CKAP5: variants seen among roughly 807,000 people sequenced by gnomAD.
The protein encoded by CKAP5 is cytoskeleton associated protein 5.
A neutral mutation model predicts 232.8 loss-of-function variants in CKAP5; 27 were observed. The observed-to-expected ratio is 0.12, with a 90% CI of 0.09 to 0.16. The LOEUF (loss-of-function observed/expected upper bound fraction) is 0.16. Among genes scored for constraint, CKAP5 ranks in the 10% least tolerant of loss-of-function variants. CKAP5 has a pLI of 1.00. For missense variants in CKAP5, 1,838 were observed against 2,424.7 expected (o/e 0.76, Z 5.08); for synonymous variants, 785 against 841.1 (o/e 0.93, Z 1.16).
chr11:46,770,770 A>G lies in CKAP5; in HGVS notation c.3186+18T>C. 6.2e-7 allele frequency: 1 copy of G among 1,607,494 alleles called. No individual in the cohort carries two copies. The highest frequency in any genetic ancestry group is 1.3e-5 in the African/African-American group (1 of 74,830). On this transcript the variant is annotated intron_variant, in intron 25 of 43. Coordinates refer to ENST00000529230, the MANE Select transcript of CKAP5 (RefSeq NM_001008938.4). ...TTTAATAGCTTTTAACAGCAGTAGCAGCAACAAGAAGTAGTACCTTTAGTT... is the reference window on the plus strand; with the variant it reads ...TTTAATAGCTTTTAACAGCAGTAGCGGCAACAAGAAGTAGTACCTTTAGTT...
At chr11:46,825,753 T>TAA (rs201623764) in intron 1 of CKAP5, among the ~76,000 whole-genome samples, 13 of 132,866 alleles carry the variant, frequency 9.8e-5, no homozygotes, top group Admixed American at 3.8e-4. Flanking sequence ...GATAGGCTCA[T>TAA]AAAAAAAAAA....
At chr11:46,828,949 C>T (rs938175915) in intron 1 of CKAP5, among the ~76,000 whole-genome samples, 2 of 152,004 alleles carry the variant, frequency 1.3e-5, no homozygotes, top group Admixed American at 1.3e-4. Context: ...TGTTTCATAA[C>T]GATGTGAATA....
At chr11:46,825,370 T>C (rs1488914116) in intron 1 of CKAP5, among the ~76,000 whole-genome samples, 1 of 152,194 alleles carries the variant, frequency 6.6e-6, no homozygotes, top group East Asian at 1.9e-4. Context: ...CTAGAACCTA[T>C]GTCTCCTACT....
intron 1 of CKAP5, among the ~76,000 whole-genome samples, chr11:46,843,413 G>A (rs1193458421): frequency 1.3e-5 from 2 of 151,928 alleles, no homozygotes; most frequent in Admixed American, 1.3e-4. Flanking sequence ...AGCCATTGGT[G>A]AAGCCCCGAA....
chr11:46,758,902 TC>T lies in CKAP5; in HGVS notation c.4689+20del, dbSNP rs769841553. ...TCTATGTCCACCAATGGAATCCCTGTCACGGGAGCACACCCATTACCTGTGT... is the reference window on the plus strand; with the variant it reads ...TCTATGTCCACCAATGGAATCCCTGTACGGGAGCACACCCATTACCTGTGT... On this transcript the variant is annotated intron_variant, in intron 35 of 43. Transcript: ENST00000529230. 1 of 1,613,074 alleles carries T rather than the reference TC, an allele frequency of 6.2e-7. No individual in the cohort carries two copies. Among genetic ancestry groups the T allele is most frequent in the South Asian group, 1.1e-5 (1 of 90,952 alleles).
rs1415887065 is a variant in CKAP5 at position 46,770,040 on chromosome 11, G to A, written c.3245C>T (p.Ala1082Val). 6.2e-7 allele frequency: 1 copy of A among 1,613,934 alleles called. No individual in the cohort carries two copies. Among genetic ancestry groups the A allele is most frequent in the Non-Finnish European group, 8.5e-7 (1 of 1,179,950 alleles). ...TGCTTTAGTGGGTGGAGCAGGCTTGGCTGGCATGTTAACTTTGGCTTTCTC... is the reference window on the plus strand; with the variant it reads ...TGCTTTAGTGGGTGGAGCAGGCTTGACTGGCATGTTAACTTTGGCTTTCTC... ...MLEKAKVNMPAKPAPPTKATS... is the reference protein window; with the variant it reads ...MLEKAKVNMPVKPAPPTKATS... Residue 1082 changes from alanine (A) to valine (V), a missense_variant, in exon 26 of 44, where the codon GCC (alanine) becomes GTC (valine). Around this residue, in one of 6 missense-constraint regions of CKAP5, gnomAD observed 767 missense variants for 954.6 expected, o/e 0.80. Transcript: ENST00000529230.
In CKAP5 at chr11:46,778,585, A is replaced by C; in HGVS notation, c.2448T>G (p.Ser816Arg). The C allele has an allele frequency of 3.7e-6, 6 of 1,613,924 alleles. No homozygotes were observed. Among genetic ancestry groups the C allele is most frequent in the Non-Finnish European group, 5.1e-6 (6 of 1,179,914 alleles). The change falls in exon 21 of 44, where the codon AGT (serine) becomes AGG (arginine). Residue 816 changes from serine (S) to arginine (R), a missense_variant. Coordinates refer to ENST00000529230, the MANE Select transcript of CKAP5 (RefSeq NM_001008938.4). ...DAEFEKMQGQSPPAPTRGISK... is the reference protein window; with the variant it reads ...DAEFEKMQGQRPPAPTRGISK... Reference sequence around the variant, plus strand: ...AAATTCCTCTGGTTGGAGCAGGTGGACTTTGTCCCTGCATCTATACACAAA... The same window carrying C: ...AAATTCCTCTGGTTGGAGCAGGTGGCCTTTGTCCCTGCATCTATACACAAA...
chr11:46,807,986 C>G, intron 8 of CKAP5, 45 bp downstream of exon 8: 1 of 1,354,446 alleles, frequency 7.4e-7, no homozygotes, highest in South Asian at 1.2e-5. Context: ...AATTCAAAGG[C>G]CTGATGGCTG....
intron 15 of CKAP5, among the ~76,000 whole-genome samples, chr11:46,789,329 G>A (rs2065425760): frequency 6.6e-6 from 1 of 152,154 alleles, no homozygotes; most frequent in African/African-American, 2.4e-5. Context: ...GAACTGCCAT[G>A]CTCCTTTACA....
chr11:46,805,871 A>G (rs1438568081), intron 8 of CKAP5, among the ~76,000 whole-genome samples: 1 of 152,232 alleles, frequency 6.6e-6, no homozygotes, highest in Non-Finnish European at 1.5e-5. Context: ...CGGGAGGCAG[A>G]GGTTGCAGTG....
At chr11:46,828,140 TCC>T (rs1373399760) in intron 1 of CKAP5, among the ~76,000 whole-genome samples, 4 of 150,998 alleles carry the variant, frequency 2.6e-5, no homozygotes, top group African/African-American at 9.7e-5. Context: ...AATTTAAGAA[TCC>T]AAAGAACAGT....
In CKAP5 at chr11:46,743,640, A is replaced by C. The variant is rs1592425906; in HGVS notation, c.*383T>G. 1 of 213,122 alleles carries C rather than the reference A, an allele frequency of 4.7e-6. No homozygotes were observed. The highest frequency in any genetic ancestry group is 8.7e-5 in the South Asian group (1 of 11,438). The allele number at this position is 213,122 out of a possible 1,614,324, so 13.2% of individuals were successfully genotyped here. ...GTGACCCTTCAGGGCGACAGAGAAG[A>C]GCTCACAAACTGAAAGGAAAACTAT... On this transcript the variant is annotated 3_prime_UTR_variant, in exon 44 of 44. Transcript: ENST00000529230.
Position 46,790,124 on chromosome 11 carries a change from G to A in CKAP5, c.1827C>T (p.Asp609=), listed in dbSNP as rs985504493. Residue 609 remains aspartate (D), a synonymous_variant, in exon 15 of 44, where the codon GAC becomes GAT. Coordinates refer to ENST00000529230, the MANE Select transcript of CKAP5 (RefSeq NM_001008938.4). ...CCAGCCTTTCTTTCCAGTTACTGCT[G>A]TCAAGAAGCTGTATACAGGTAGGGG... ...VLPPTCIQLL[D]SSNWKERLAC... 3.7e-6 allele frequency: 6 copies of A among 1,611,652 alleles called. No homozygotes were observed. In the Admixed American group the frequency reaches 6.7e-5, roughly 18 times the overall value.
At chr11:46,759,680 A>G (rs2065139887) in intron 33 of CKAP5, among the ~76,000 whole-genome samples, 1 of 152,254 alleles carries the variant, frequency 6.6e-6, no homozygotes, top group African/African-American at 2.4e-5. Flanking sequence ...CTGCCAAGTT[A>G]TAAGTATTTG....
At chr11:46,803,665 A>G (rs1172401259) in intron 8 of CKAP5, among the ~76,000 whole-genome samples, 1 of 152,120 alleles carries the variant, frequency 6.6e-6, no homozygotes, top group Admixed American at 6.5e-5. Context: ...TCTGACTCCA[A>G]AGTTTTTGCT....
intron 37 of CKAP5, chr11:46,753,078 GCTAAAATAC>G (rs2065082155): frequency 2.2e-6 from 1 of 454,738 alleles, no homozygotes; most frequent in Non-Finnish European, 3.8e-6. Context: ...ATGGTCTCAG[GCTAAAATAC>G]CTTTGGTCCA....
At position 46,810,692 on chromosome 11, in the gene CKAP5, T is replaced by A. The variant is rs139924173; in HGVS notation, c.630+315A>T. On this transcript the variant is annotated intron_variant, in intron 5 of 43. Coordinates refer to ENST00000529230, the MANE Select transcript of CKAP5 (RefSeq NM_001008938.4). ...ATTTACTATAAGGAAGACGTATGTC[T>A]AAGCACTAAGAAAGAACAGTAAGTC... Among the ~76,000 whole-genome samples, 831 of 152,318 alleles carry A rather than the reference T, an allele frequency of 5.5e-3. 7 individuals are homozygous for A. The highest frequency in any genetic ancestry group is 0.019 in the African/African-American group (802 of 41,564).
At chr11:46,809,997 A>G in intron 5 of CKAP5, 123 bp from the exon 6 acceptor site, 2 of 940,460 alleles carry the variant, frequency 2.1e-6, no homozygotes, top group Non-Finnish European at 3.1e-6. Context: ...TTGGAGACAG[A>G]GTCTTACTCT....
chr11:46,828,040 C>T (rs1939695401), intron 1 of CKAP5, among the ~76,000 whole-genome samples: 1 of 152,108 alleles, frequency 6.6e-6, no homozygotes, highest in Non-Finnish European at 1.5e-5. Flanking sequence ...CTTGGGCCAT[C>T]ATCAGATCAG....
Sources: allele counts gnomAD v4.1 joint callset (sites outside exome capture counted in the v4.1 genomes callset), GRCh38; gene constraint gnomAD v4.1.1; regional missense constraint gnomAD v4.1.1; transcripts MANE v1.5; gene names NCBI Gene and HGNC (gene_info 2026-07-23, HGNC 2026-07-21).